TENM2: variants seen among roughly 807,000 people sequenced by gnomAD.
TENM2 encodes teneurin-2.
A neutral mutation model predicts 245.2 loss-of-function variants in TENM2; 52 were observed. The observed-to-expected ratio is 0.21, with a 90% CI of 0.17 to 0.27. TENM2 has a LOEUF of 0.27. Ranked by LOEUF, TENM2 falls within the 10% of genes least tolerant of loss-of-function variation. TENM2 has a pLI of 1.00. For missense variants in TENM2, 3,046 were observed against 3,666.8 expected, an observed-to-expected ratio of 0.83 and a Z score of 4.37; for synonymous variants, 1,363 against 1,438.9, an observed-to-expected ratio of 0.95 and a Z score of 1.19.
intron 2 of TENM2, among the ~76,000 whole-genome samples, chr5:167,619,211 G>A (rs1467859050): frequency 6.6e-6 from 1 of 152,050 alleles, no homozygotes; most frequent in Non-Finnish European, 1.5e-5. Context: ...TCTCATCACT[G>A]TATAGGTCAA....
chr5:168,047,094 G>A (rs1246303476), intron 5 of TENM2, among the ~76,000 whole-genome samples: 4 of 152,134 alleles, frequency 2.6e-5, no homozygotes, highest in African/African-American at 7.2e-5. Context: ...GGATGTGGTA[G>A]AGCAGCACTC....
chr5:167,345,608 T>G (rs781499082), intron 1 of TENM2, among the ~76,000 whole-genome samples: 6 of 152,198 alleles, frequency 3.9e-5, no homozygotes, highest in Non-Finnish European at 8.8e-5. Context: ...TCGCTTTTGG[T>G]AAAAATAAGG....
chr5:167,119,840 G>A, the TENM2 span, among the ~76,000 whole-genome samples: 60 of 152,316 alleles, frequency 3.9e-4, no homozygotes, highest in East Asian at 0.011. Flanking sequence ...TCTAAGAACC[G>A]TGTCTGGTGG....
intron 12 of TENM2, among the ~76,000 whole-genome samples, chr5:168,156,727 A>G (rs1315906437): frequency 6.6e-6 from 1 of 150,972 alleles, no homozygotes; most frequent in Admixed American, 6.6e-5. Context: ...TTTTTTTTCT[A>G]GTGGTTGGAA....
chr5:167,717,602 A>C (rs1278799070), intron 2 of TENM2, among the ~76,000 whole-genome samples: 1 of 151,866 alleles, frequency 6.6e-6, no homozygotes, highest in Non-Finnish European at 1.5e-5. Context: ...AAATTAATTA[A>C]TTTTTTTTGG....
chr5:168,261,521 T>G (rs935511884), intron 28 of TENM2, among the ~76,000 whole-genome samples: 3 of 152,258 alleles, frequency 2.0e-5, no homozygotes, highest in Admixed American at 6.5e-5. Context: ...TGCTGCTGGC[T>G]ATACTTTGAG....
chr5:167,403,151 G>A (rs1251478515), intron 2 of TENM2, among the ~76,000 whole-genome samples: 2 of 146,850 alleles, frequency 1.4e-5, no homozygotes, highest in Admixed American at 1.4e-4. Context: ...GTGTAAGTGT[G>A]TGTGATAGTT....
the TENM2 span, among the ~76,000 whole-genome samples, chr5:167,169,803 G>T: frequency 9.2e-5 from 14 of 152,170 alleles, no homozygotes; most frequent in Non-Finnish European, 1.8e-4. Context: ...AGGAAAAGGT[G>T]TTTGTTGTTC....
At chr5:168,238,184 A>G (rs1454180829) in intron 25 of TENM2, among the ~76,000 whole-genome samples, 8 of 33,908 alleles carry the variant, frequency 2.4e-4, no homozygotes, top group Admixed American at 1.0e-3. Context: ...AGAGAGAGAG[A>G]GGGAGGGAGG....
the TENM2 span, among the ~76,000 whole-genome samples, chr5:167,144,697 G>A: frequency 2.0e-5 from 3 of 152,074 alleles, no homozygotes; most frequent in Non-Finnish European, 4.4e-5. Flanking sequence ...TCACTCATAA[G>A]CTGTTAATTA....
At chr5:167,291,916 AG>A (rs1274066036) in intron 1 of TENM2, among the ~76,000 whole-genome samples, 1 of 152,204 alleles carries the variant, frequency 6.6e-6, no homozygotes, top group Admixed American at 6.5e-5. Flanking sequence ...GTAATTTATA[AG>A]GAAAAAGAGG....
Position 167,776,672 on chromosome 5 carries a change from T to G in TENM2, c.503-99314T>G, listed in dbSNP as rs1763828694. Reference sequence around the variant, plus strand: ...ATATATATATATATATATTTTTCATTAACCTTATGCTACACTGATCTTAAG... The same window carrying G: ...ATATATATATATATATATTTTTCATGAACCTTATGCTACACTGATCTTAAG... On this transcript the variant is annotated intron_variant, in intron 2 of 28. Coordinates refer to ENST00000518659, the Ensembl canonical transcript of TENM2. Among the ~76,000 whole-genome samples the G allele has an allele frequency of 2.7e-5, 4 of 147,572 alleles. No individual in the cohort carries two copies. In the South Asian group the frequency reaches 8.5e-4, roughly 32 times the overall value.
rs879503312 is a variant in TENM2, at chr5:167,859,417, C to A, written c.503-16569C>A. ...CCCCCGCCCGGCCAGCCGCCCCGTC[C>A]GGGAGGTGAGGGGCGCCTCTGCCCG... is the stretch of plus-strand genomic sequence containing the variant. On this transcript the variant is annotated intron_variant, in intron 2 of 28. Transcript: ENST00000518659. Among the ~76,000 whole-genome samples the A allele has an allele frequency of 2.0e-4, 17 of 86,026 alleles. No homozygotes were observed. The South Asian group carries it at 7.6e-3, about 38-fold the overall frequency. The allele number at this position is 86,026 out of a possible 152,430, so 56.4% of individuals were successfully genotyped here. A position where few individuals can be genotyped will look rare whatever the true frequency, so the allele number is the denominator to read the frequency against.
chr5:167,829,507 C>T lies in TENM2; in HGVS notation c.503-46479C>T, dbSNP rs77962283. On this transcript the variant is annotated intron_variant, in intron 2 of 28. Transcript: ENST00000518659. ...CCCACAGACATTCTTTTGTCAATTT[C>T]GTGGATCTCTAGAGGCCCATGAATT... 7.6e-3 allele frequency among the ~76,000 whole-genome samples: 1,150 copies of T among 152,290 alleles called. 17 individuals carry two copies. The highest frequency in any genetic ancestry group is 0.026 in the African/African-American group (1,094 of 41,562).
chr5:168,229,210 A>G (rs1764593276), intron 25 of TENM2, among the ~76,000 whole-genome samples: 1 of 152,170 alleles, frequency 6.6e-6, no homozygotes, highest in Non-Finnish European at 1.5e-5. Context: ...GGGAAGCTAA[A>G]TTACCTGTCC....
At chr5:167,462,190 C>T (rs1338428710) in intron 2 of TENM2, among the ~76,000 whole-genome samples, 1 of 127,100 alleles carries the variant, frequency 7.9e-6, no homozygotes. Context: ...CACCCCCCCC[C>T]CCCATTGCAG....
chr5:167,542,109 A>G (rs1425084224), intron 2 of TENM2, among the ~76,000 whole-genome samples: 1 of 152,116 alleles, frequency 6.6e-6, no homozygotes, highest in Admixed American at 6.6e-5. Flanking sequence ...CTTGAATCAG[A>G]TGGAAGGATT....
At chr5:167,246,115 C>G in the TENM2 span, among the ~76,000 whole-genome samples, 1 of 152,144 alleles carries the variant, frequency 6.6e-6, no homozygotes, top group South Asian at 2.1e-4. Context: ...CTGTGCCTTT[C>G]TCATCTGGGG....
the TENM2 span, among the ~76,000 whole-genome samples, chr5:167,114,073 A>G: frequency 6.6e-5 from 10 of 152,268 alleles, no homozygotes; most frequent in South Asian, 4.1e-4. Flanking sequence ...CAATTTTTCA[A>G]TGTTATGACT....
Sources: allele counts gnomAD v4.1 joint callset (sites outside exome capture counted in the v4.1 genomes callset), GRCh38; gene constraint gnomAD v4.1.1; transcripts MANE v1.5; gene names NCBI Gene and HGNC (gene_info 2026-07-23, HGNC 2026-07-21).